NTM: variants seen among roughly 807,000 people sequenced by gnomAD.
The protein encoded by NTM is neurotrimin, also known as IgLON family member 2.
A neutral mutation model predicts 42.1 loss-of-function variants in NTM; 13 were observed. That is an observed-to-expected ratio of 0.31 (90% confidence interval 0.20 to 0.49). The LOEUF (loss-of-function observed/expected upper bound fraction) is 0.49, where lower values mean the gene tolerates loss of function less well. Ranked by LOEUF, NTM falls within the 20% of genes least tolerant of loss-of-function variation. The probability of loss-of-function intolerance (pLI) is 0.99; values close to 1 mark genes in which losing one functional copy is unlikely to be tolerated. For missense variants in NTM, 373 were observed against 452.8 expected (o/e 0.82, Z 1.60); for synonymous variants, 187 against 179.2 (o/e 1.04, Z -0.35).
intron 1 of NTM, among the ~76,000 whole-genome samples, chr11:131,839,091 G>C (rs2043895312): frequency 6.6e-6 from 1 of 151,922 alleles, no homozygotes; most frequent in African/African-American, 2.4e-5. Context: ...CTCCTGAGTA[G>C]CTGGGATTAC....
At chr11:132,015,107 A>G (rs766626002) in intron 2 of NTM, among the ~76,000 whole-genome samples, 29 of 151,996 alleles carry the variant, frequency 1.9e-4, no homozygotes, top group Non-Finnish European at 3.2e-4. Flanking sequence ...TCTTCTGCAT[A>G]GGAATATCCA....
chr11:131,526,392 A>G (rs1428306768), intron 1 of NTM, among the ~76,000 whole-genome samples: 1 of 152,172 alleles, frequency 6.6e-6, no homozygotes, highest in Non-Finnish European at 1.5e-5. Context: ...TGGGCTAATC[A>G]CCATAGATGG....
intron 1 of NTM, among the ~76,000 whole-genome samples, chr11:131,444,429 A>C (rs1949881374): frequency 6.6e-6 from 1 of 152,162 alleles, no homozygotes; most frequent in Non-Finnish European, 1.5e-5. Flanking sequence ...CAAATTTTGC[A>C]GTTAGGAGGT....
chr11:132,087,716 G>A (rs545591185), intron 2 of NTM, among the ~76,000 whole-genome samples: 32 of 152,054 alleles, frequency 2.1e-4, no homozygotes, highest in Non-Finnish European at 4.1e-4. Context: ...GTTAACTCCC[G>A]ACAGGGTGGA....
rs775145233 is a variant in NTM at position 132,335,110 on chromosome 11, G to A, written c.1032G>A (p.Leu344=). Residue 344 remains leucine (L), a synonymous_variant, in exon 9 of 9, where the codon CTG becomes CTA. Transcript: ENST00000683400. ...GGAGGGCAGGCTGCGTCTGGCTGCT[G>A]CCTCTTCTGGTCTTGCACCTGCTTC... ...TSRRAGCVWL[L]PLLVLHLLLK... 6.2e-7 allele frequency: 1 copy of A among 1,612,698 alleles called. No homozygotes were observed. The highest frequency in any genetic ancestry group is 1.7e-5 in the Admixed American group (1 of 60,008).
intron 1 of NTM, chr11:131,573,422 T>C (rs1224730731): frequency 1.3e-5 from 2 of 152,216 alleles, no homozygotes; most frequent in Non-Finnish European, 2.9e-5. Context: ...TATTTTCAAA[T>C]GGCAAGAAAA....
chr11:131,435,041 T>C (rs1022296924), intron 1 of NTM, among the ~76,000 whole-genome samples: 5 of 152,216 alleles, frequency 3.3e-5, no homozygotes, highest in Admixed American at 6.5e-5. Context: ...ATTTATTAAA[T>C]AGGGAGTCCT....
chr11:131,472,751 T>G (rs906565323), intron 1 of NTM, among the ~76,000 whole-genome samples: 7 of 152,238 alleles, frequency 4.6e-5, no homozygotes, highest in Admixed American at 1.3e-4. Flanking sequence ...TCTGAGGTAG[T>G]ATTTAGCATA....
chr11:132,149,496 C>G (rs2071381469), intron 3 of NTM, among the ~76,000 whole-genome samples: 2 of 152,118 alleles, frequency 1.3e-5, no homozygotes, highest in Non-Finnish European at 2.9e-5. Flanking sequence ...TATGTAGTCA[C>G]CTTCATATCT....
intron 2 of NTM, among the ~76,000 whole-genome samples, chr11:132,038,363 G>A (rs1438237498): frequency 6.6e-6 from 1 of 152,202 alleles, no homozygotes; most frequent in Non-Finnish European, 1.5e-5. Context: ...TTAATGCAGA[G>A]AAGTTCACGG....
chr11:131,875,250 T>A (rs1330023080), intron 1 of NTM, among the ~76,000 whole-genome samples: 1 of 150,992 alleles, frequency 6.6e-6, no homozygotes, highest in African/African-American at 2.4e-5. Context: ...CCTGGAAACA[T>A]TTTACGTAGA....
chr11:132,229,894 C>T (rs2087128912), intron 4 of NTM, among the ~76,000 whole-genome samples: 1 of 152,172 alleles, frequency 6.6e-6, no homozygotes, highest in Non-Finnish European at 1.5e-5. Context: ...TATTCTATGC[C>T]TAAAAATTCC....
intron 1 of NTM, among the ~76,000 whole-genome samples, chr11:131,695,014 G>A (rs2075270589): frequency 6.6e-6 from 1 of 152,200 alleles, no homozygotes; most frequent in Admixed American, 6.5e-5. Context: ...AGAGGGCAGT[G>A]TTGGACGGGC....
At chr11:131,634,397 GAAA>G (rs56158370) in intron 1 of NTM, among the ~76,000 whole-genome samples, 8 of 146,846 alleles carry the variant, frequency 5.4e-5, no homozygotes, top group Admixed American at 6.7e-5. Flanking sequence ...AAGCCCCCTG[GAAA>G]AAAAAAAAAA....
intron 1 of NTM, among the ~76,000 whole-genome samples, chr11:131,841,468 T>TG (rs776304465): frequency 9.5e-4 from 144 of 152,324 alleles, no homozygotes; most frequent in Non-Finnish European, 1.7e-3. Context: ...TTTCCAACCT[T>TG]GGCAGCACAC....
intron 1 of NTM, among the ~76,000 whole-genome samples, chr11:131,489,826 G>A (rs73572308): frequency 0.064 from 9,776 of 152,226 alleles, 1,040 homozygotes; most frequent in African/African-American, 0.22. Context: ...TCCATTCTCC[G>A]AGCCTCTCCT....
rs537193834 is a variant in NTM at position 132,001,612 on chromosome 11, C to G, written c.167+89964C>G. On this transcript the variant is annotated intron_variant, in intron 2 of 8. Coordinates refer to ENST00000683400, the MANE Select transcript of NTM (RefSeq NM_001352005.2). ...GAGGGTGGGGAGGAGGTACCATACC[C>G]CAACAACAGATCTCATGAGGACAGC... Among the ~76,000 whole-genome samples the G allele has an allele frequency of 3.0e-4, 46 of 152,096 alleles. 2 individuals are homozygous for G. The South Asian group carries it at 9.1e-3, about 30-fold the overall frequency.
chr11:131,494,497 G>A (rs1238492290), intron 1 of NTM, among the ~76,000 whole-genome samples: 7 of 152,204 alleles, frequency 4.6e-5, no homozygotes, highest in African/African-American at 1.7e-4. Context: ...CCATGTTATG[G>A]TAACCAATTG....
chr11:131,546,849 A>G (rs1380061215), intron 1 of NTM: 6 of 152,246 alleles, frequency 3.9e-5, no homozygotes, highest in African/African-American at 9.7e-5. Context: ...TGCTTCTCAA[A>G]CTGTACCTTT....
Sources: allele counts gnomAD v4.1 joint callset (sites outside exome capture counted in the v4.1 genomes callset), GRCh38; gene constraint gnomAD v4.1.1; transcripts MANE v1.5; gene names NCBI Gene and HGNC (gene_info 2026-07-23, HGNC 2026-07-21).